CBX2: variants seen among roughly 807,000 people sequenced by gnomAD.
CBX2 encodes chromobox protein homolog 2.
In CBX2, 11 loss-of-function variants were observed where a neutral mutation model predicts 21.0. The observed-to-expected ratio is 0.52, with a 90% CI of 0.33 to 0.87. CBX2 has a LOEUF of 0.87. Among genes scored for constraint, CBX2 ranks in the 40% least tolerant of loss-of-function variants. The pLI is 0.02. For missense variants in CBX2, 746 were observed against 724.3 expected, an observed-to-expected ratio of 1.03 and a Z score of -0.34; for synonymous variants, 364 against 304.6, an observed-to-expected ratio of 1.19 and a Z score of -2.03.
At position 79,784,792 on chromosome 17, in the gene CBX2, G is replaced by A. The variant is rs568793911; in HGVS notation, c.1349G>A (p.Arg450His). 99 of 1,610,204 alleles carry A rather than the reference G, an allele frequency of 6.1e-5. No individual in the cohort carries two copies. Among genetic ancestry groups the A allele is most frequent in the African/African-American group, 1.1e-4 (8 of 74,982 alleles). The part of the protein sequence containing the change: ...QESRTAPGEA[R>H]KAATLPEMSA... ...AGCCGCACAGCCCCCGGAGAAGCCCGCAAGGCGGCCACACTGCCAGAGATG... is the reference window on the plus strand; with the variant it reads ...AGCCGCACAGCCCCCGGAGAAGCCCACAAGGCGGCCACACTGCCAGAGATG... Residue 450 changes from arginine to histidine, a missense_variant, in exon 5 of 5, where the codon CGC (arginine) becomes CAC (histidine). Coordinates refer to ENST00000310942, the MANE Select transcript of CBX2 (RefSeq NM_005189.3). The surrounding 1 kb of genome is among the most constrained non-coding windows in gnomAD (Gnocchi z 5.9).
Position 79,785,096 on chromosome 17 carries a change from C to T in CBX2, c.*54C>T, listed in dbSNP as rs1175227281. Reference sequence around the variant, plus strand: ...TACTCCCCTTCCCTGCCTATGGTGTCGCTTGGCTAAGTGACTCCCAGCCCA... The same window carrying T: ...TACTCCCCTTCCCTGCCTATGGTGTTGCTTGGCTAAGTGACTCCCAGCCCA... On this transcript the variant is annotated 3_prime_UTR_variant, in exon 5 of 5. Transcript: ENST00000310942. 53 of 1,490,194 alleles carry T rather than the reference C, an allele frequency of 3.6e-5. No homozygotes were observed. Among genetic ancestry groups the T allele is most frequent in the Middle Eastern group, 1.8e-4 (1 of 5,530 alleles). 92.3% of individuals were successfully genotyped at this position (1,490,194 alleles called of 1,614,324 possible). A position where few individuals can be genotyped will look rare whatever the true frequency, so the allele number is the denominator to read the frequency against.
At chr17:79,782,410 C>T (rs1283884016) in intron 4 of CBX2, 2 of 1,349,790 alleles carry the variant, frequency 1.5e-6, no homozygotes, top group Non-Finnish European at 1.9e-6. Flanking sequence ...GCATGCGCCC[C>T]TGGGGTCCGT....
chr17:79,779,563 G>T, intron 3 of CBX2, 136 bp downstream of exon 3: 1 of 760,830 alleles, frequency 1.3e-6, no homozygotes, highest in South Asian at 1.5e-5. Flanking sequence ...ATTGTGTCCA[G>T]GGCCATCTCT....
chr17:79,786,290 TGAG>T lies in CBX2; in HGVS notation c.*1252_*1254del, dbSNP rs1160963903. 5.9e-5 allele frequency: 9 copies of T among 152,724 alleles called. No individual in the cohort carries two copies. The highest frequency in any genetic ancestry group is 1.0e-4 in the Non-Finnish European group (7 of 68,078). 9.5% of individuals were successfully genotyped at this position (152,724 alleles called of 1,614,324 possible). A position where few individuals can be genotyped will look rare whatever the true frequency, so the allele number is the denominator to read the frequency against. ...CTGCCCAAGTGGATGAGGCATTCCT[TGAG>T]GAGTATCATTTTCCCTGACAATCCC... On this transcript the variant is annotated 3_prime_UTR_variant, in exon 5 of 5. Transcript: ENST00000310942.
chr17:79,782,087 G>A (rs139006412), intron 4 of CBX2: 7 of 1,613,702 alleles, frequency 4.3e-6, no homozygotes, highest in Middle Eastern at 1.6e-4. Context: ...CTGCAGACAA[G>A]CACTCTTCCC....
Position 79,778,703 on chromosome 17 carries a change from G to T in CBX2, c.116+276G>T, listed in dbSNP as rs1404250282. On this transcript the variant is annotated intron_variant, in intron 2 of 4. Coordinates refer to ENST00000310942, the MANE Select transcript of CBX2 (RefSeq NM_005189.3). The surrounding 1 kb of genome is among the most constrained non-coding windows in gnomAD (Gnocchi z 4.8). ...CCGCGCTCCCCCCAACCCCCGTCCC[G>T]GCCGGGAGGGAGGCGCGGGATGCAA... is the stretch of plus-strand genomic sequence containing the variant. Among the ~76,000 whole-genome samples, 8 of 152,158 alleles carry T rather than the reference G, an allele frequency of 5.3e-5. No individual in the cohort carries two copies. The East Asian group carries it at 1.6e-3, about 30-fold the overall frequency.
intron 4 of CBX2, among the ~76,000 whole-genome samples, chr17:79,782,957 C>T (rs534672993): frequency 1.3e-5 from 2 of 152,268 alleles, no homozygotes; most frequent in Admixed American, 6.5e-5. Flanking sequence ...TACCTGTATC[C>T]TGGAAGGCTC....
At position 79,786,514 on chromosome 17, in the gene CBX2, G is replaced by C. The variant is rs1174424818; in HGVS notation, c.*1472G>C. Reference sequence around the variant, plus strand: ...TCTAGGTGGTCACGTCTGGGAGCTAGCTTGTATGGCTTCTGACCAGTATCA... The same window carrying C: ...TCTAGGTGGTCACGTCTGGGAGCTACCTTGTATGGCTTCTGACCAGTATCA... On this transcript the variant is annotated 3_prime_UTR_variant, in exon 5 of 5. Coordinates refer to ENST00000310942, the MANE Select transcript of CBX2 (RefSeq NM_005189.3). The C allele has an allele frequency of 6.5e-6, 1 of 152,690 alleles. No homozygotes were observed. The highest frequency in any genetic ancestry group is 1.9e-4 in the East Asian group (1 of 5,192). The allele number at this position is 152,690 out of a possible 1,614,324, so 9.5% of individuals were successfully genotyped here.
At chr17:79,783,590 A>G in intron 4 of CBX2, 142 bp from the exon 5 acceptor site, 1 of 721,238 alleles carries the variant, frequency 1.4e-6, no homozygotes. Flanking sequence ...TTGTATTTTT[A>G]GTAGAAACAG....
At position 79,786,250 on chromosome 17, in the gene CBX2, G is replaced by C. The variant is rs1484220995; in HGVS notation, c.*1208G>C. On this transcript the variant is annotated 3_prime_UTR_variant, in exon 5 of 5. Transcript: ENST00000310942. ...GTGGGTCCAGCCAACAACTCCCTAC[G>C]TCCTGTGTGGGGCCCTGCCCAAGTG... 6.5e-6 allele frequency: 1 copy of C among 152,780 alleles called. No homozygotes were observed. The highest frequency in any genetic ancestry group is 2.4e-5 in the African/African-American group (1 of 41,466). The allele number at this position is 152,780 out of a possible 1,614,324, so 9.5% of individuals were successfully genotyped here.
chr17:79,782,581 T>G, intron 4 of CBX2: 1 of 841,056 alleles, frequency 1.2e-6, no homozygotes. Flanking sequence ...TGAACCTGCC[T>G]TTCCAGGAGG....
chr17:79,782,390 C>T (rs545325079), intron 4 of CBX2: 511 of 1,395,848 alleles, frequency 3.7e-4, no homozygotes, highest in Non-Finnish European at 4.4e-4. Context: ...GCTCACCCCG[C>T]CACAGGTATG....
rs782226980 is a variant in CBX2, at chr17:79,783,918, C to T, written c.475C>T (p.Pro159Ser). 27 of 1,613,930 alleles carry T rather than the reference C, an allele frequency of 1.7e-5. No homozygotes were observed. Among genetic ancestry groups the T allele is most frequent in the Middle Eastern group, 1.6e-4 (1 of 6,084 alleles). ...GGTGGCCAAACCCGAGCTGAAGGAT[C>T]CCATCCGGAAGAAGCGGGGACGAAA... is the stretch of plus-strand genomic sequence containing the variant. ...ILVAKPELKD[P>S]IRKKRGRKPL... The change falls in exon 5 of 5, where the codon CCC (proline) becomes TCC (serine). Residue 159 changes from proline (P) to serine (S), a missense_variant. By Grantham distance (74) the Pro-to-Ser change is moderately conservative. Coordinates refer to ENST00000310942, the MANE Select transcript of CBX2 (RefSeq NM_005189.3).
rs1907438850 is a variant in CBX2, at chr17:79,784,076, G to C, written c.633G>C (p.Leu211=). The C allele has an allele frequency of 6.2e-7, 1 of 1,612,398 alleles. No individual in the cohort carries two copies. Among genetic ancestry groups the C allele is most frequent in the Non-Finnish European group, 8.5e-7 (1 of 1,179,722 alleles). ...CACTCAGCGCCCCCGTTGCAGGCCTGGCAGCTCTGAAGGCCCACGCCAAGG... is the reference window on the plus strand; with the variant it reads ...CACTCAGCGCCCCCGTTGCAGGCCTCGCAGCTCTGAAGGCCCACGCCAAGG... ...PPPLSAPVAG[L]AALKAHAKEA... is the part of the protein sequence containing the mutation. Residue 211 remains leucine, a synonymous_variant, in exon 5 of 5, where the codon CTG becomes CTC. Coordinates refer to ENST00000310942, the MANE Select transcript of CBX2 (RefSeq NM_005189.3). This position sits in a 1 kb window ranked among gnomAD's most constrained non-coding sequence, Gnocchi z 5.9.
rs2145821095 is a variant in CBX2 at position 79,779,399 on chromosome 17, C to T, written c.154C>T (p.Pro52Ser). 2 of 1,613,854 alleles carry T rather than the reference C, an allele frequency of 1.2e-6. No individual in the cohort carries two copies. The highest frequency in any genetic ancestry group is 1.7e-6 in the Non-Finnish European group (2 of 1,179,984). ...SWEPEENILD[P>S]RLLLAFQKKE... ...GGAGCCGGAGGAGAACATCCTGGAC[C>T]CGAGGCTGCTCCTGGCCTTCCAGAA... The change falls in exon 3 of 5, where the codon CCG becomes TCG. Residue 52 changes from proline to serine, a missense_variant. Coordinates refer to ENST00000310942, the MANE Select transcript of CBX2 (RefSeq NM_005189.3).
chr17:79,783,581 T>G (rs1907395452), intron 4 of CBX2, 151 bp from the exon 5 acceptor site: 1 of 699,782 alleles, frequency 1.4e-6, no homozygotes, highest in Admixed American at 2.2e-5. Context: ...GGCTAATTTT[T>G]GTATTTTTAG....
intron 4 of CBX2, chr17:79,782,521 G>A (rs1292852789): frequency 8.6e-6 from 10 of 1,168,000 alleles, no homozygotes; most frequent in Middle Eastern, 3.9e-4. Flanking sequence ...CCTCCTCCGG[G>A]CACTGTCCCT....
chr17:79,783,921 A>G lies in CBX2; in HGVS notation c.478A>G (p.Ile160Val). ...LVAKPELKDP[I>V]RKKRGRKPLP... Reference sequence around the variant, plus strand: ...GGCCAAACCCGAGCTGAAGGATCCCATCCGGAAGAAGCGGGGACGAAAGCC... The same window carrying G: ...GGCCAAACCCGAGCTGAAGGATCCCGTCCGGAAGAAGCGGGGACGAAAGCC... Residue 160 changes from isoleucine to valine, a missense_variant, in exon 5 of 5, where the codon ATC (isoleucine) becomes GTC (valine). Around this residue, in one of 2 missense-constraint regions of CBX2, gnomAD observed 701 missense variants for 650.7 expected, o/e 1.08. Transcript: ENST00000310942. 1.2e-6 allele frequency: 2 copies of G among 1,614,026 alleles called. No homozygotes were observed. Among genetic ancestry groups the G allele is most frequent in the Non-Finnish European group, 1.7e-6 (2 of 1,180,038 alleles).
upstream of CBX2, among the ~76,000 whole-genome samples, chr17:79,777,483 T>A (rs11867438): frequency 0.27 from 40,881 of 152,168 alleles, 5,742 homozygotes; most frequent in African/African-American, 0.34. Flanking sequence ...TCGTATTACT[T>A]CTTTCTCAGA....
Sources: allele counts gnomAD v4.1 joint callset (sites outside exome capture counted in the v4.1 genomes callset), GRCh38; gene constraint gnomAD v4.1.1; regional missense constraint gnomAD v4.1.1; non-coding constraint Gnocchi (gnomAD v3.1); transcripts MANE v1.5; gene names NCBI Gene and HGNC (gene_info 2026-07-23, HGNC 2026-07-21).